The following GALNTL6 variants were observed in gnomAD, a reference collection of about 807,000 sequenced individuals.
GALNTL6 encodes the protein polypeptide N-acetylgalactosaminyltransferase-like 6.
Under a neutral mutation model 73.7 loss-of-function variants are expected in GALNTL6, and 46 were observed. That is an observed-to-expected ratio of 0.62 (90% CI 0.49 to 0.80). The LOEUF is 0.80. GALNTL6 is among the 30% of genes least tolerant of loss of function. The pLI is 0.00. For synonymous variants in GALNTL6, 259 were observed against 263.7 expected, an observed-to-expected ratio of 0.98 and a Z score of 0.17; for missense variants, 604 against 755.0, an observed-to-expected ratio of 0.80 and a Z score of 2.34.
At chr4:172,029,330 T>TA (rs1435207885) in intron 2 of GALNTL6, among the ~76,000 whole-genome samples, 1 of 152,036 alleles carries the variant, frequency 6.6e-6, no homozygotes, top group Non-Finnish European at 1.5e-5. Flanking sequence ...GATTACATGT[T>TA]AAAACGTTAA....
At chr4:172,423,422 C>G (rs1469450083) in intron 5 of GALNTL6, among the ~76,000 whole-genome samples, 1 of 151,992 alleles carries the variant, frequency 6.6e-6, no homozygotes, top group Admixed American at 6.6e-5. Context: ...CCCCTCATTA[C>G]TGCCGCAGTC....
At chr4:172,592,140 A>G (rs1737661911) in intron 5 of GALNTL6, among the ~76,000 whole-genome samples, 1 of 152,244 alleles carries the variant, frequency 6.6e-6, no homozygotes, top group Non-Finnish European at 1.5e-5. Flanking sequence ...AACAAGAAGC[A>G]TGGTGCCAGC....
intron 4 of GALNTL6, among the ~76,000 whole-genome samples, chr4:172,327,254 C>T (rs1457636290): frequency 6.6e-6 from 1 of 151,874 alleles, no homozygotes; most frequent in East Asian, 1.9e-4. Context: ...GTGCTGTGGT[C>T]CAAGAGTGTG....
chr4:172,621,772 C>T (rs983668471), intron 5 of GALNTL6, among the ~76,000 whole-genome samples: 2 of 152,138 alleles, frequency 1.3e-5, no homozygotes, highest in Non-Finnish European at 2.9e-5. Flanking sequence ...CTCACAATAG[C>T]CTTGATATGC....
chr4:172,991,294 A>G (rs1222496169), intron 10 of GALNTL6, among the ~76,000 whole-genome samples: 1 of 152,182 alleles, frequency 6.6e-6, no homozygotes, highest in African/African-American at 2.4e-5. Flanking sequence ...AAGGCAAAAT[A>G]TATTTTATTA....
At chr4:172,591,675 C>A (rs1737641271) in intron 5 of GALNTL6, among the ~76,000 whole-genome samples, 1 of 152,156 alleles carries the variant, frequency 6.6e-6, no homozygotes, top group African/African-American at 2.4e-5. Flanking sequence ...TTTCCCCTGG[C>A]AAATGTTTGG....
chr4:172,590,300 G>A (rs1271871913), intron 5 of GALNTL6, among the ~76,000 whole-genome samples: 3 of 152,122 alleles, frequency 2.0e-5, no homozygotes, highest in East Asian at 1.9e-4. Context: ...ATTAGTAGGC[G>A]GGGTGTTGAT....
intron 5 of GALNTL6, among the ~76,000 whole-genome samples, chr4:172,759,429 G>A (rs1158419952): frequency 2.6e-5 from 4 of 152,232 alleles, no homozygotes; most frequent in African/African-American, 4.8e-5. Flanking sequence ...TCAGATCCAT[G>A]TGAAGAGTTT....
At chr4:172,079,936 T>C (rs1456102347) in intron 2 of GALNTL6, among the ~76,000 whole-genome samples, 1 of 152,146 alleles carries the variant, frequency 6.6e-6, no homozygotes, top group African/African-American at 2.4e-5. Context: ...ATCTAGCCTT[T>C]TTCCTTCATG....
chr4:172,988,246 G>C (rs941174234), intron 10 of GALNTL6, among the ~76,000 whole-genome samples: 1 of 152,172 alleles, frequency 6.6e-6, no homozygotes, highest in Non-Finnish European at 1.5e-5. Context: ...TTGGGAACTG[G>C]ACTAAAGGTC....
At chr4:172,695,178 AAGT>A (rs962449252) in intron 5 of GALNTL6, among the ~76,000 whole-genome samples, 19 of 152,228 alleles carry the variant, frequency 1.2e-4, no homozygotes, top group African/African-American at 4.6e-4. Context: ...CGACATAAAA[AAGT>A]AGGAGATCAA....
intron 2 of GALNTL6, among the ~76,000 whole-genome samples, chr4:171,912,370 G>C (rs1256131099): frequency 1.3e-5 from 2 of 152,016 alleles, no homozygotes; most frequent in Non-Finnish European, 2.9e-5. Flanking sequence ...TAAGGAAGGG[G>C]ATGATATTTG....
chr4:172,378,146 G>A (rs893923779), intron 5 of GALNTL6, among the ~76,000 whole-genome samples: 2 of 152,172 alleles, frequency 1.3e-5, no homozygotes, highest in African/African-American at 2.4e-5. Context: ...AGAGCCGCCC[G>A]AGTTATCTGC....
intron 5 of GALNTL6, among the ~76,000 whole-genome samples, chr4:172,451,103 A>C (rs749391008): frequency 4.6e-5 from 7 of 152,156 alleles, no homozygotes; most frequent in Non-Finnish European, 7.4e-5. Context: ...ACAGGTCTCT[A>C]TTCTCTATTG....
intron 5 of GALNTL6, among the ~76,000 whole-genome samples, chr4:172,534,077 T>C (rs1191232781): frequency 6.6e-6 from 1 of 152,166 alleles, no homozygotes; most frequent in Non-Finnish European, 1.5e-5. Context: ...AAGGGTATAA[T>C]GTGAAGCCAG....
chr4:172,430,154 A>G (rs913003591), intron 5 of GALNTL6, among the ~76,000 whole-genome samples: 2 of 152,068 alleles, frequency 1.3e-5, no homozygotes, highest in Non-Finnish European at 2.9e-5. Context: ...CATAAAAGTT[A>G]TCATTTTATG....
chr4:172,269,680 C>T (rs1055978420), intron 3 of GALNTL6, among the ~76,000 whole-genome samples: 2 of 152,132 alleles, frequency 1.3e-5, no homozygotes, highest in African/African-American at 4.8e-5. Context: ...ACAGGAATAA[C>T]AAATGTTACA....
chr4:171,955,745 A>G (rs1030393504), intron 2 of GALNTL6, among the ~76,000 whole-genome samples: 1 of 145,272 alleles, frequency 6.9e-6, no homozygotes. Flanking sequence ...TCAGATCTAC[A>G]AAAGGCTGTG....
intron 2 of GALNTL6, among the ~76,000 whole-genome samples, chr4:171,935,965 A>C (rs374196797): frequency 1.6e-4 from 25 of 152,304 alleles, no homozygotes; most frequent in African/African-American, 6.0e-4. Context: ...AAGTGAAGCC[A>C]TACTAATAAT....
Sources: allele counts gnomAD v4.1 joint callset (sites outside exome capture counted in the v4.1 genomes callset), GRCh38; gene constraint gnomAD v4.1.1; transcripts MANE v1.5; gene names NCBI Gene and HGNC (gene_info 2026-07-23, HGNC 2026-07-21).